Variants in CYGB observed in about 807,000 individuals in gnomAD.
CYGB encodes the protein cytoglobin.
CYGB carries 13 observed loss-of-function variants against 20.7 expected under a neutral mutation model. The ratio of observed to expected loss-of-function variants is 0.63; its 90% CI spans 0.41 to 1.00. CYGB has a LOEUF of 1.00. Among genes scored for constraint, CYGB ranks in the 50% least tolerant of loss-of-function variants. The pLI is 0.00. For synonymous variants in CYGB, 93 were observed against 107.4 expected (o/e 0.87, Z 0.83); for missense variants, 218 against 257.2 (o/e 0.85, Z 1.04).
In CYGB at chr17:76,546,047, A is replaced by C. The variant is rs2075049948; in HGVS notation, c.-53+4815T>G. On this transcript the variant is annotated intron_variant, in intron 1 of 3. Transcript: ENST00000589145. The surrounding 1 kb of genome is among the most constrained non-coding windows in gnomAD (Gnocchi z 4.5). ...GTCCCAACCTCCAGTGGTGACCTCG[A>C]CCTGGACAGCGCCACTCCCAGCTGG... 1 of 152,832 alleles carries C rather than the reference A, an allele frequency of 6.5e-6. No homozygotes were observed. The highest frequency in any genetic ancestry group is 1.5e-5 in the Non-Finnish European group (1 of 68,550). 9.5% of individuals were successfully genotyped at this position (152,832 alleles called of 1,614,324 possible). A position where few individuals can be genotyped will look rare whatever the true frequency, so the allele number is the denominator to read the frequency against.
chr17:76,540,255 G>GC (rs773995352), upstream of CYGB: 27 of 1,095,572 alleles, frequency 2.5e-5, 2 homozygotes, highest in Middle Eastern at 2.4e-4. The surrounding 1 kb of genome is among the most constrained non-coding windows in gnomAD (Gnocchi z 5.0). Context: ...GTTGGTCGGG[G>GC]GGGGGGGGCA....
rs1054066484 is a variant in CYGB at position 76,533,929 on chromosome 17, G to C, written c.144-2238C>G. Among the ~76,000 whole-genome samples, 1 of 151,966 alleles carries C rather than the reference G, an allele frequency of 6.6e-6. No homozygotes were observed. The highest frequency in any genetic ancestry group is 1.5e-5 in the Non-Finnish European group (1 of 67,982). On this transcript the variant is annotated intron_variant, in intron 1 of 3. Coordinates refer to ENST00000293230, the MANE Select transcript of CYGB (RefSeq NM_134268.5). This position sits in a 1 kb window ranked among gnomAD's most constrained non-coding sequence, Gnocchi z 4.5. Reference sequence around the variant, plus strand: ...GTCTGTAGTCCTAGCTACTTGGGAGGCTGCAGCAGGAAGATCCGATCGCAT... The same window carrying C: ...GTCTGTAGTCCTAGCTACTTGGGAGCCTGCAGCAGGAAGATCCGATCGCAT...
intron 1 of CYGB, among the ~76,000 whole-genome samples, chr17:76,532,446 G>A (rs746206489): frequency 4.0e-5 from 6 of 151,796 alleles, no homozygotes; most frequent in African/African-American, 4.8e-5. Flanking sequence ...TCCTTCCAGC[G>A]TGTCAGACTG....
intron 1 of CYGB, chr17:76,544,096 CAG>C (rs1567913025): frequency 2.2e-6 from 1 of 454,600 alleles, no homozygotes; most frequent in East Asian, 7.0e-5. Flanking sequence ...TGATCCTGAG[CAG>C]AGATAAAAGC....
upstream of CYGB, among the ~76,000 whole-genome samples, chr17:76,538,784 G>T (rs191625497): frequency 3.6e-3 from 555 of 152,372 alleles, 14 homozygotes; most frequent in Admixed American, 0.035. Flanking sequence ...CAGTCCTGGG[G>T]ACAGCCTGAG....
At chr17:76,540,634 T>C, upstream of CYGB, 4 of 1,501,548 alleles carry the variant, frequency 2.7e-6, no homozygotes, top group Non-Finnish European at 3.7e-6. This position sits in a 1 kb window ranked among gnomAD's most constrained non-coding sequence, Gnocchi z 5.0. Context: ...TGGCTGTGCA[T>C]GCCTGGGGGT....
Position 76,530,909 on chromosome 17 carries a change from T to G in CYGB, c.539+70A>C. On this transcript the variant is annotated intron_variant, in intron 3 of 3. Coordinates refer to ENST00000293230, the MANE Select transcript of CYGB (RefSeq NM_134268.5). The surrounding 1 kb of genome is among the most constrained non-coding windows in gnomAD (Gnocchi z 6.1). Reference sequence around the variant, plus strand: ...ATCAGCCCCAGGGCCTCAGGAGATATGGGAGACCTCGGGGACAGCAGAGGA... The same window carrying G: ...ATCAGCCCCAGGGCCTCAGGAGATAGGGGAGACCTCGGGGACAGCAGAGGA... 6.8e-7 allele frequency: 1 copy of G among 1,478,164 alleles called. No homozygotes were observed. Among genetic ancestry groups the G allele is most frequent in the African/African-American group, 1.4e-5 (1 of 70,916 alleles). 91.6% of individuals were successfully genotyped at this position (1,478,164 alleles called of 1,614,324 possible).
upstream of CYGB, chr17:76,542,470 A>C: frequency 6.6e-7 from 1 of 1,508,414 alleles, no homozygotes; most frequent in Admixed American, 1.7e-5. Flanking sequence ...ATTGATAGGG[A>C]TGGGAGGAGG....
rs1419208353 is a variant in CYGB at position 76,530,142 on chromosome 17, G to A, written c.539+837C>T. 3 of 965,364 alleles carry A rather than the reference G, an allele frequency of 3.1e-6. No individual in the cohort carries two copies. The highest frequency in any genetic ancestry group is 1.8e-5 in the African/African-American group (1 of 56,702). The allele number at this position is 965,364 out of a possible 1,614,324, so 59.8% of individuals were successfully genotyped here. On this transcript the variant is annotated intron_variant, in intron 3 of 3. Transcript: ENST00000293230. The surrounding 1 kb of genome is among the most constrained non-coding windows in gnomAD (Gnocchi z 6.1). ...CCACGGGAATGTTTCTCTACCACGC[G>A]TGTCCCGGGCTGCTGGCTGACCTCT... is the stretch of plus-strand genomic sequence containing the variant.
intron 1 of CYGB, chr17:76,542,732 T>G (rs1598213766): frequency 1.3e-6 from 1 of 773,002 alleles, no homozygotes; most frequent in African/African-American, 1.7e-5. Context: ...TAGCAGGCAG[T>G]GTTCAGCTCT....
At chr17:76,543,813 T>C (rs1302733532) in intron 1 of CYGB, 1 of 470,934 alleles carries the variant, frequency 2.1e-6, no homozygotes, top group Non-Finnish European at 4.4e-6. Context: ...TTCCCAGAGC[T>C]CATCCTGTCA....
intron 1 of CYGB, among the ~76,000 whole-genome samples, chr17:76,534,962 C>T (rs146838237): frequency 8.8e-4 from 134 of 152,346 alleles, no homozygotes; most frequent in Non-Finnish European, 1.6e-3. Context: ...GAGGAGCCTC[C>T]ACAGCCAGCC....
At chr17:76,542,448 A>G (rs1266789777), upstream of CYGB, 9 of 1,342,426 alleles carry the variant, frequency 6.7e-6, no homozygotes, top group African/African-American at 5.7e-5. Context: ...CTGCCCCTCA[A>G]TATTGGGGTG....
chr17:76,531,185 C>T lies in CYGB; in HGVS notation c.376-43G>A. The T allele has an allele frequency of 1.3e-6, 2 of 1,585,508 alleles. No homozygotes were observed. Among genetic ancestry groups the T allele is most frequent in the Non-Finnish European group, 1.7e-6 (2 of 1,161,434 alleles). Reference sequence around the variant, plus strand: ...AAGGGGGAGTGAACGCCCGGGCGCCCTGCGTCCTGCAACCCCCAGGCCCCT... The same window carrying T: ...AAGGGGGAGTGAACGCCCGGGCGCCTTGCGTCCTGCAACCCCCAGGCCCCT... On this transcript the variant is annotated intron_variant, in intron 2 of 3. Coordinates refer to ENST00000293230, the MANE Select transcript of CYGB (RefSeq NM_134268.5). This position sits in a 1 kb window ranked among gnomAD's most constrained non-coding sequence, Gnocchi z 7.4.
At position 76,528,697 on chromosome 17, in the gene CYGB, C is replaced by T. The variant is rs190465457; in HGVS notation, c.540-86G>A. 6.5e-5 allele frequency: 77 copies of T among 1,191,012 alleles called. No individual in the cohort carries two copies. The highest frequency in any genetic ancestry group is 2.9e-4 in the South Asian group (7 of 23,810). 73.8% of individuals were successfully genotyped at this position (1,191,012 alleles called of 1,614,324 possible). On this transcript the variant is annotated intron_variant, in intron 3 of 3. Transcript: ENST00000293230. This position sits in a 1 kb window ranked among gnomAD's most constrained non-coding sequence, Gnocchi z 5.8. ...GGAAAGGGGGAGGACCTGGGGCTGGCGAGGCTCACTTCCTGCCAAGAGATC... is the reference window on the plus strand; with the variant it reads ...GGAAAGGGGGAGGACCTGGGGCTGGTGAGGCTCACTTCCTGCCAAGAGATC...
chr17:76,531,021 T>C lies in CYGB; in HGVS notation c.497A>G (p.Tyr166Cys), dbSNP rs1161848718. Residue 166 changes from tyrosine (Y) to cysteine (C), a missense_variant, in exon 3 of 4, where the codon TAC (tyrosine) becomes TGC (cysteine). Tyr to Cys is a radical substitution (Grantham distance 194, BLOSUM62 -2). Transcript: ENST00000293230. This position sits in a 1 kb window ranked among gnomAD's most constrained non-coding sequence, Gnocchi z 7.4. The part of the protein sequence containing the change: ...GLIYSHVTAA[Y>C]KEVGWVQQVP... ...CTGCTGCACCCAGCCCACTTCCTTG[T>C]AGGCAGCGGTCACGTGGCTGTAGAT... The C allele has an allele frequency of 6.2e-7, 1 of 1,613,086 alleles. No individual in the cohort carries two copies. Among genetic ancestry groups the C allele is most frequent in the Non-Finnish European group, 8.5e-7 (1 of 1,179,736 alleles).
intron 1 of CYGB, among the ~76,000 whole-genome samples, chr17:76,535,123 T>C (rs1340778665): frequency 1.3e-5 from 2 of 151,974 alleles, no homozygotes; most frequent in African/African-American, 4.8e-5. Flanking sequence ...GGAATGGAAG[T>C]GTGGGGTCTG....
rs2074791843 is a variant in CYGB at position 76,528,423 on chromosome 17, G to T, written c.*155C>A. On this transcript the variant is annotated 3_prime_UTR_variant, in exon 4 of 4. Coordinates refer to ENST00000293230, the MANE Select transcript of CYGB (RefSeq NM_134268.5). This position sits in a 1 kb window ranked among gnomAD's most constrained non-coding sequence, Gnocchi z 5.8. Reference sequence around the variant, plus strand: ...GCGCCGCCTCCCAGCAGCTCCAGGGGGGGACCCTGGCCGCCACAGAGGCCT... The same window carrying T: ...GCGCCGCCTCCCAGCAGCTCCAGGGTGGGACCCTGGCCGCCACAGAGGCCT... The T allele has an allele frequency of 1.5e-6, 1 of 659,974 alleles. No homozygotes were observed. 40.9% of individuals were successfully genotyped at this position (659,974 alleles called of 1,614,324 possible).
At position 76,531,942 on chromosome 17, in the gene CYGB, T is replaced by G; in HGVS notation, c.144-251A>C. 2.4e-6 allele frequency: 1 copy of G among 411,824 alleles called. No homozygotes were observed. The highest frequency in any genetic ancestry group is 2.0e-5 in the African/African-American group (1 of 50,936). 25.5% of individuals were successfully genotyped at this position (411,824 alleles called of 1,614,324 possible). Reference sequence around the variant, plus strand: ...GGCTGGCGGCTTCATCTCCTAGGCCTCTGTCTTCCTCGCTTCTTGCTTCCT... The same window carrying G: ...GGCTGGCGGCTTCATCTCCTAGGCCGCTGTCTTCCTCGCTTCTTGCTTCCT... On this transcript the variant is annotated intron_variant, in intron 1 of 3. Coordinates refer to ENST00000293230, the MANE Select transcript of CYGB (RefSeq NM_134268.5). The surrounding 1 kb of genome is among the most constrained non-coding windows in gnomAD (Gnocchi z 7.4).
Sources: gnomAD v4.1 joint callset for allele counts (sites outside exome capture counted in the v4.1 genomes callset) on GRCh38, gnomAD v4.1.1 for gene constraint, Gnocchi (gnomAD v3.1) non-coding constraint, MANE v1.5 for transcripts, NCBI Gene and HGNC (gene_info 2026-07-23, HGNC 2026-07-21) for gene names.